PKP4: variants seen among roughly 807,000 people sequenced by gnomAD.
PKP4 encodes the protein plakophilin-4.
A neutral mutation model predicts 145.1 loss-of-function variants in PKP4; 90 were observed. The observed-to-expected ratio is 0.62, with a 90% CI of 0.52 to 0.74. The LOEUF (loss-of-function observed/expected upper bound fraction) is 0.74. PKP4 is among the 30% of genes least tolerant of loss of function. PKP4 has a pLI of 0.00. For synonymous variants in PKP4, 563 were observed against 577.2 expected (o/e 0.98, Z 0.35); for missense variants, 1,340 against 1,482.7 (o/e 0.90, Z 1.58).
intron 3 of PKP4, among the ~76,000 whole-genome samples, chr2:158,588,582 T>G (rs983978775): frequency 7.9e-5 from 12 of 152,318 alleles, no homozygotes; most frequent in African/African-American, 2.6e-4. Flanking sequence ...GATATATTTC[T>G]TAAAATAGTA....
At chr2:158,544,497 G>A (rs78501515) in intron 2 of PKP4, among the ~76,000 whole-genome samples, 33,973 of 151,896 alleles carry the variant, frequency 0.22, 4,316 homozygotes, top group Middle Eastern at 0.35. Context: ...TTTCCCCACC[G>A]TAAGTATTCT....
intron 1 of PKP4, among the ~76,000 whole-genome samples, chr2:158,481,464 C>A (rs568078555): frequency 1.1e-4 from 16 of 152,108 alleles, no homozygotes; most frequent in Admixed American, 3.3e-4. Flanking sequence ...GAGAAACTCC[C>A]AAACTGTTTC....
intron 2 of PKP4, among the ~76,000 whole-genome samples, chr2:158,555,150 A>G (rs1288461654): frequency 1.3e-5 from 2 of 152,220 alleles, no homozygotes; most frequent in Non-Finnish European, 2.9e-5. Flanking sequence ...AACATCAGCA[A>G]AAATGATCTG....
At chr2:158,533,535 G>A in intron 2 of PKP4, 1 of 637,768 alleles carries the variant, frequency 1.6e-6, no homozygotes, top group Non-Finnish European at 3.0e-6. Flanking sequence ...GCGTCTGCAA[G>A]TAAGGACAAT....
At chr2:158,573,781 G>A (rs1437307321) in intron 2 of PKP4, among the ~76,000 whole-genome samples, 1 of 152,206 alleles carries the variant, frequency 6.6e-6, no homozygotes, top group Non-Finnish European at 1.5e-5. Context: ...AGGCAAGGGA[G>A]AATTCCAAAT....
At chr2:158,580,395 GGGAAAGGA>G (rs1457932440) in intron 3 of PKP4, among the ~76,000 whole-genome samples, 1 of 152,106 alleles carries the variant, frequency 6.6e-6, no homozygotes, top group Non-Finnish European at 1.5e-5. Flanking sequence ...GGGTTGACCA[GGGAAAGGA>G]GGAAAATGTG....
intron 2 of PKP4, among the ~76,000 whole-genome samples, chr2:158,558,497 G>A (rs866159075): frequency 6.6e-6 from 1 of 152,142 alleles, no homozygotes; most frequent in African/African-American, 2.4e-5. Context: ...TTTGAAGGAT[G>A]CAGAAAGGTC....
intron 1 of PKP4, among the ~76,000 whole-genome samples, chr2:158,486,162 C>T (rs1463136241): frequency 6.6e-6 from 1 of 152,000 alleles, no homozygotes; most frequent in African/African-American, 2.4e-5. Flanking sequence ...TTTTTAAATT[C>T]TTACTTTTAT....
At chr2:158,634,382 A>G (rs1277124009) in intron 9 of PKP4, 93 bp downstream of exon 9, 2 of 831,850 alleles carry the variant, frequency 2.4e-6, no homozygotes, top group Non-Finnish European at 4.0e-6. Context: ...TAAGTCTATT[A>G]TACTATCATT....
intron 7 of PKP4, among the ~76,000 whole-genome samples, chr2:158,628,043 C>T (rs944353694): frequency 1.3e-4 from 20 of 151,506 alleles, no homozygotes; most frequent in African/African-American, 4.1e-4. Context: ...TACAGTGGCA[C>T]GCTCTCGGCT....
intron 1 of PKP4, among the ~76,000 whole-genome samples, chr2:158,528,753 A>G (rs988771987): frequency 1.3e-5 from 2 of 151,400 alleles, no homozygotes; most frequent in Non-Finnish European, 2.9e-5. Context: ...AGATATGCAT[A>G]CCCACACATG....
chr2:158,636,143 C>T (rs190330323), intron 9 of PKP4, among the ~76,000 whole-genome samples: 71 of 152,150 alleles, frequency 4.7e-4, no homozygotes, highest in African/African-American at 1.5e-3. Flanking sequence ...TGTGTATTCA[C>T]GTTTCCATCT....
intron 2 of PKP4, among the ~76,000 whole-genome samples, chr2:158,538,093 A>G (rs2044213008): frequency 6.6e-6 from 1 of 152,112 alleles, no homozygotes. Context: ...AAACTGATTG[A>G]TTTGTCATTG....
At chr2:158,638,410 T>C (rs2053993580) in intron 9 of PKP4, among the ~76,000 whole-genome samples, 1 of 152,154 alleles carries the variant, frequency 6.6e-6, no homozygotes, top group South Asian at 2.1e-4. Flanking sequence ...AATTAATTGG[T>C]TTTCAAAATC....
chr2:158,543,186 C>A (rs973506658), intron 2 of PKP4, among the ~76,000 whole-genome samples: 2 of 151,994 alleles, frequency 1.3e-5, no homozygotes, highest in Non-Finnish European at 2.9e-5. Context: ...GGAATATTTG[C>A]AAAATATACG....
intron 19 of PKP4, among the ~76,000 whole-genome samples, chr2:158,675,286 A>C (rs2057909490): frequency 6.6e-6 from 1 of 151,670 alleles, no homozygotes; most frequent in Admixed American, 6.6e-5. Context: ...CAAATTTGTA[A>C]ATTTTCTTAA....
At position 158,666,367 on chromosome 2, in the gene PKP4, C is replaced by G. The variant is rs2248854; in HGVS notation, c.2578-46C>G. 835,541 of 1,478,558 alleles carry G rather than the reference C, an allele frequency of 0.57. 239,630 individuals carry two copies. The highest frequency in any genetic ancestry group is 0.76 in the East Asian group (31,098 of 40,898). 91.6% of individuals were successfully genotyped at this position (1,478,558 alleles called of 1,614,324 possible). ...TTTTAGGTGACAGTAACATATGAGA[C>G]TGGAACTCTGTTTTATGTTACTTCC... On this transcript the variant is annotated intron_variant, in intron 15 of 21. Transcript: ENST00000389759.
intron 17 of PKP4, among the ~76,000 whole-genome samples, chr2:158,670,923 T>G (rs1031657006): frequency 6.6e-6 from 1 of 152,128 alleles, no homozygotes; most frequent in African/African-American, 2.4e-5. Flanking sequence ...AGAGAAATGG[T>G]AAGTAGGATG....
intron 11 of PKP4, among the ~76,000 whole-genome samples, chr2:158,647,052 G>T (rs189577110): frequency 1.3e-5 from 2 of 152,176 alleles, no homozygotes; most frequent in Non-Finnish European, 2.9e-5. Context: ...CTGAACTGTC[G>T]TTAAAGCACG....
Sources: gnomAD v4.1 joint callset for allele counts (sites outside exome capture counted in the v4.1 genomes callset) on GRCh38, gnomAD v4.1.1 for gene constraint, MANE v1.5 for transcripts, NCBI Gene and HGNC (gene_info 2026-07-23, HGNC 2026-07-21) for gene names.